The following BRCC3 variants were observed in gnomAD, a reference collection of about 807,000 sequenced individuals.
BRCC3 encodes BRCA1/BRCA2-containing complex subunit 3.
BRCC3 carries 15 observed loss-of-function variants against 28.0 expected under a neutral mutation model. That is an observed-to-expected ratio of 0.54 (90% CI 0.36 to 0.82). BRCC3 has a LOEUF of 0.82. BRCC3 is among the 40% of genes least tolerant of loss of function. The pLI is 0.01. For synonymous variants in BRCC3, 66 were observed against 80.3 expected (o/e 0.82, Z 0.95); for missense variants, 109 against 225.9 (o/e 0.48, Z 3.32).
chrX:155,114,176 A>G (rs919618083), intron 7 of BRCC3, among the ~76,000 whole-genome samples: 1 of 111,877 alleles, frequency 8.9e-6, no homozygotes, highest in Non-Finnish European at 1.9e-5. Context: ...TCACAGCATT[A>G]TTCACAATAG....
At chrX:155,089,379 G>A (rs1201117893) in intron 6 of BRCC3, 28 bp downstream of exon 6, 7 of 966,276 alleles carry the variant, frequency 7.2e-6, no homozygotes, top group South Asian at 2.2e-5. Context: ...GTGTGTGTGT[G>A]TGTGTGTGTG....
In BRCC3 at chrX:155,120,033, A is replaced by G; in HGVS notation, c.759A>G (p.Ala253=). ...AGAATCTGTGCAGTCAGATGTCGGC[A>G]GTCAGCGGGCCTCTCCTACAGTGGT... ...FTKNLCSQMS[A]VSGPLLQWLE... The change falls in exon 10 of 11, where the codon GCA becomes GCG. Residue 253 remains alanine (A), a synonymous_variant. Transcript: ENST00000330045. 1 of 1,208,316 alleles carries G rather than the reference A, an allele frequency of 8.3e-7. No individual in the cohort carries two copies. Among genetic ancestry groups the G allele is most frequent in the Non-Finnish European group, 1.1e-6 (1 of 893,659 alleles).
intron 5 of BRCC3, among the ~76,000 whole-genome samples, chrX:155,081,496 GAAAGT>G (rs1374214663): frequency 1.8e-5 from 2 of 111,352 alleles, no homozygotes; most frequent in Non-Finnish European, 3.8e-5. Context: ...TAGTATTTAA[GAAAGT>G]AAATAAATGG....
chrX:155,105,760 G>A (rs1557297455), intron 7 of BRCC3, among the ~76,000 whole-genome samples: 1 of 112,008 alleles, frequency 8.9e-6, no homozygotes, highest in African/African-American at 3.2e-5. Context: ...GTGCAGTGGT[G>A]CGATCTTGGC....
At chrX:155,075,237 T>C (rs1557293305) in intron 3 of BRCC3, among the ~76,000 whole-genome samples, 1 of 54,603 alleles carries the variant, frequency 1.8e-5, no homozygotes, top group Non-Finnish European at 2.8e-5. Flanking sequence ...AAAAGCCTTC[T>C]CTCAGATTTC....
chrX:155,072,224 C>A, intron 1 of BRCC3, 103 bp from the exon 2 acceptor site: 1 of 649,015 alleles, frequency 1.5e-6, no homozygotes. Context: ...GTCTTTCATA[C>A]CATGTGCGTG....
intron 7 of BRCC3, among the ~76,000 whole-genome samples, chrX:155,094,050 A>G (rs987548773): frequency 2.7e-5 from 3 of 111,388 alleles, no homozygotes; most frequent in Non-Finnish European, 5.7e-5. Flanking sequence ...GTTTCCTCTG[A>G]TAATTTTTTT....
intron 4 of BRCC3, 34 bp downstream of exon 4, chrX:155,077,323 C>T (rs782813468): frequency 8.8e-7 from 1 of 1,136,792 alleles, no homozygotes. Context: ...CTTTTATGTG[C>T]TCTGGGGTTC....
At chrX:155,119,695 C>T (rs182581964) in intron 9 of BRCC3, among the ~76,000 whole-genome samples, 2,860 of 112,078 alleles carry the variant, frequency 0.026, 94 homozygotes, top group African/African-American at 0.088. Flanking sequence ...GGAACCCTTT[C>T]GTGGCTCTTA....
intron 8 of BRCC3, among the ~76,000 whole-genome samples, chrX:155,116,421 T>C (rs2074356609): frequency 8.9e-6 from 1 of 112,134 alleles, no homozygotes; most frequent in Non-Finnish European, 1.9e-5. Flanking sequence ...CTTTCTTTTT[T>C]GGTTGAGAAA....
intron 9 of BRCC3, among the ~76,000 whole-genome samples, chrX:155,118,691 A>G (rs1253611529): frequency 2.7e-5 from 3 of 111,834 alleles, no homozygotes; most frequent in Non-Finnish European, 3.8e-5. Flanking sequence ...ATCATGTGGC[A>G]ACAGAGGAAA....
intron 3 of BRCC3, among the ~76,000 whole-genome samples, chrX:155,075,898 GACACCTCATTC>G (rs1411154640): frequency 6.3e-5 from 7 of 111,940 alleles, no homozygotes; most frequent in Non-Finnish European, 1.3e-4. Flanking sequence ...TTGTCTCCCA[GACACCTCATTC>G]ACACTTTACT....
At chrX:155,084,576 T>G (rs782681704) in intron 5 of BRCC3, among the ~76,000 whole-genome samples, 291 of 111,841 alleles carry the variant, frequency 2.6e-3, no homozygotes, top group African/African-American at 8.1e-3. Context: ...TGTTAGCCAG[T>G]ATGGTCTTGA....
intron 7 of BRCC3, among the ~76,000 whole-genome samples, chrX:155,101,329 G>A (rs1263574848): frequency 2.7e-5 from 3 of 111,906 alleles, no homozygotes; most frequent in African/African-American, 9.8e-5. Context: ...ATGGATTTCA[G>A]TGTCTGTGGG....
intron 7 of BRCC3, chrX:155,099,206 T>C (rs2074231180): frequency 1.4e-6 from 1 of 736,114 alleles, no homozygotes. Context: ...TTTTTTGTGG[T>C]AAAAGAAGTC....
intron 4 of BRCC3, 114 bp downstream of exon 4, chrX:155,077,403 C>T: frequency 5.6e-6 from 4 of 711,438 alleles, no homozygotes; most frequent in Non-Finnish European, 7.5e-6. Context: ...TCCCTTAGAT[C>T]CAATTGTTTG....
intron 7 of BRCC3, 106 bp downstream of exon 7, chrX:155,090,945 A>G (rs1415878765): frequency 1.2e-5 from 7 of 587,542 alleles, no homozygotes; most frequent in Non-Finnish European, 1.9e-5. Flanking sequence ...ACACTAAGAC[A>G]CTGCATTTTT....
rs2074389122 is a variant in BRCC3 at position 155,121,689 on chromosome X, A to G, written c.*485A>G. On this transcript the variant is annotated 3_prime_UTR_variant, in exon 11 of 11. Transcript: ENST00000330045. ...TTCTTGGACTTTGCCCCGAAAGCAC[A>G]TCCATAAAAGACAAAATCTGATATA... 8.9e-6 allele frequency: 1 copy of G among 112,703 alleles called. No homozygotes were observed. The highest frequency in any genetic ancestry group is 1.9e-5 in the Non-Finnish European group (1 of 53,344). The allele number at this position is 112,703 out of a possible 1,213,427, so 9.3% of individuals were successfully genotyped here. A position where few individuals can be genotyped will look rare whatever the true frequency, so the allele number is the denominator to read the frequency against.
intron 5 of BRCC3, among the ~76,000 whole-genome samples, chrX:155,086,114 G>A (rs782728518): frequency 8.1e-5 from 9 of 111,136 alleles, no homozygotes; most frequent in East Asian, 5.6e-4. Context: ...AATCATGAAC[G>A]TCCCGTCTGT....
Sources: allele counts gnomAD v4.1 joint callset (sites outside exome capture counted in the v4.1 genomes callset), GRCh38; gene constraint gnomAD v4.1.1; transcripts MANE v1.5; gene names NCBI Gene and HGNC (gene_info 2026-07-23, HGNC 2026-07-21).